CFAP65: variants seen among roughly 807,000 people sequenced by gnomAD.
CFAP65 encodes the protein cilia and flagella associated protein 65.
A neutral mutation model predicts 208.0 loss-of-function variants in CFAP65; 155 were observed. The observed-to-expected ratio is 0.75, with a 90% confidence interval of 0.65 to 0.85. CFAP65 has a LOEUF of 0.85. CFAP65 is among the 40% of genes least tolerant of loss of function. The pLI is 0.00. For synonymous variants in CFAP65, 970 were observed against 986.3 expected (o/e 0.98, Z 0.31); for missense variants, 2,294 against 2,451.3 (o/e 0.94, Z 1.36).
rs748453194 is a variant in CFAP65 at position 219,028,390 on chromosome 2, G to A, written c.1662C>T (p.Phe554=). Residue 554 remains phenylalanine (F), a synonymous_variant, in exon 12 of 35, where the codon TTC becomes TTT. Coordinates refer to ENST00000341552, the MANE Select transcript of CFAP65 (RefSeq NM_194302.4). Reference sequence around the variant, plus strand: ...AGTGGCAGGTCCCCATCAGGTCCAGGAACAGTGGGTCCTGTGACATTTGTC... The same window carrying A: ...AGTGGCAGGTCCCCATCAGGTCCAGAAACAGTGGGTCCTGTGACATTTGTC... ...ACLIHHQDPL[F]LDLMGTCHSD... 13 of 1,605,772 alleles carry A rather than the reference G, an allele frequency of 8.1e-6. No homozygotes were observed. In the East Asian group the frequency reaches 2.9e-4, roughly 36 times the overall value.
At chr2:219,010,421 C>A in intron 26 of CFAP65, 125 bp downstream of exon 26, 1 of 1,037,976 alleles carries the variant, frequency 9.6e-7, no homozygotes, top group Non-Finnish European at 1.4e-6. Flanking sequence ...GGTCTCATCT[C>A]TGCCTCTGTC....
Position 219,009,456 on chromosome 2 carries a change from G to C in CFAP65, c.4457C>G (p.Ser1486Cys). The change falls in exon 28 of 35, where the codon TCT becomes TGT. Residue 1486 changes from serine to cysteine, a missense_variant. Ser to Cys is a moderately radical substitution (Grantham distance 112). Transcript: ENST00000341552. Reference sequence around the variant, plus strand: ...CACCACCCCTATCATGGGACTCACAGACACCTGTTGATTTGGGGAAGGAGT... The same window carrying C: ...CACCACCCCTATCATGGGACTCACACACACCTGTTGATTTGGGGAAGGAGT... Reference protein sequence around the residue: ...QPSPLDFGEVSVSPMIGVVAP... With the variant: ...QPSPLDFGEVCVSPMIGVVAP... 1 of 1,608,172 alleles carries C rather than the reference G, an allele frequency of 6.2e-7. No homozygotes were observed. The highest frequency in any genetic ancestry group is 8.5e-7 in the Non-Finnish European group (1 of 1,175,876).
chr2:219,010,874 C>T lies in CFAP65; in HGVS notation c.4080G>A (p.Gly1360=), dbSNP rs752094023. 2 of 1,613,746 alleles carry T rather than the reference C, an allele frequency of 1.2e-6. No homozygotes were observed. The highest frequency in any genetic ancestry group is 1.1e-5 in the South Asian group (1 of 91,074). ...HPIFCCLNPK[G]EIQPGSTARV... ...GGGCAGTGCTGCCTGGCTGGATCTC[C>T]CCTTTGGGGTTGAGGCAGCAAAAGA... The change falls in exon 25 of 35, where the codon GGG becomes GGA. Residue 1360 remains glycine, a synonymous_variant. Coordinates refer to ENST00000341552, the MANE Select transcript of CFAP65 (RefSeq NM_194302.4).
At chr2:219,016,783 C>T (rs970886885) in intron 21 of CFAP65, among the ~76,000 whole-genome samples, 1 of 152,196 alleles carries the variant, frequency 6.6e-6, no homozygotes, top group Non-Finnish European at 1.5e-5. Context: ...CCTGTCTTTG[C>T]TCCTAACTCC....
At position 219,003,098 on chromosome 2, in the gene CFAP65, G is replaced by T; in HGVS notation, c.5693+37C>A. 1.3e-6 allele frequency: 2 copies of T among 1,543,836 alleles called. No individual in the cohort carries two copies. Among genetic ancestry groups the T allele is most frequent in the Non-Finnish European group, 1.8e-6 (2 of 1,142,122 alleles). On this transcript the variant is annotated intron_variant, in intron 34 of 34. Transcript: ENST00000341552. This position sits in a 1 kb window ranked among gnomAD's most constrained non-coding sequence, Gnocchi z 4.4. ...CCTGGCTGCCCCCGTGGCCCCTCTC[G>T]CGCGGTCTGCGCGGCCGCTGGTCCC...
rs1027264083 is a variant in CFAP65 at position 219,036,878 on chromosome 2, T to A, written c.358-1214A>T. Among the ~76,000 whole-genome samples, 3 of 152,238 alleles carry A rather than the reference T, an allele frequency of 2.0e-5. 1 individual carries two copies. In the South Asian group the frequency reaches 6.2e-4, roughly 31 times the overall value. ...ACTGTGCTAGGTGCTGGGACTACAA[T>A]GGTGAACAGGACTGACAAATCCCTT... On this transcript the variant is annotated intron_variant, in intron 4 of 34. Coordinates refer to ENST00000341552, the MANE Select transcript of CFAP65 (RefSeq NM_194302.4).
intron 14 of CFAP65, among the ~76,000 whole-genome samples, chr2:219,025,060 C>A (rs928239974): frequency 4.6e-5 from 7 of 152,222 alleles, no homozygotes; most frequent in Admixed American, 3.9e-4. Flanking sequence ...GTGGCCAGCA[C>A]CAGCTGAGAG....
intron 19 of CFAP65, 89 bp from the exon 20 acceptor site, chr2:219,019,808 G>GGC: frequency 9.0e-7 from 1 of 1,106,600 alleles, no homozygotes; most frequent in Non-Finnish European, 1.3e-6. Flanking sequence ...GGAGTCCTGG[G>GGC]CAGTTGGCCC....
intron 14 of CFAP65, among the ~76,000 whole-genome samples, chr2:219,025,459 G>A (rs1345602083): frequency 6.6e-6 from 1 of 152,164 alleles, no homozygotes; most frequent in Non-Finnish European, 1.5e-5. Flanking sequence ...AGACATCAAA[G>A]GTGAAACTGG....
rs371186946 is a variant in CFAP65, at chr2:219,009,166, G to A, written c.4567-12C>T. ...TGCTGCGAGTACAGCTATGGCCCAG[G>A]ACAGAGAGAGAGAAGGCCAAGGTCT... On this transcript the variant is annotated splice_polypyrimidine_tract_variant and intron_variant, in intron 28 of 34. Coordinates refer to ENST00000341552, the MANE Select transcript of CFAP65 (RefSeq NM_194302.4). 13 of 1,609,406 alleles carry A rather than the reference G, an allele frequency of 8.1e-6. No individual in the cohort carries two copies. The African/African-American group carries it at 1.6e-4, about 20-fold the overall frequency.
At chr2:219,007,045 C>T (rs757125641) in intron 29 of CFAP65, among the ~76,000 whole-genome samples, 6 of 152,100 alleles carry the variant, frequency 3.9e-5, no homozygotes, top group Non-Finnish European at 5.9e-5. Context: ...AGCTTGCCCT[C>T]GTGCCCTGGA....
At chr2:219,016,880 C>T (rs73993400) in intron 21 of CFAP65, among the ~76,000 whole-genome samples, 17,976 of 152,152 alleles carry the variant, frequency 0.12, 3,225 homozygotes, top group African/African-American at 0.39. Context: ...GGCCCCTGCC[C>T]GCCTCCTCAG....
upstream of CFAP65, chr2:219,041,551 C>T (rs1297159593): frequency 3.2e-6 from 5 of 1,550,168 alleles, no homozygotes; most frequent in Admixed American, 9.8e-5. Flanking sequence ...TTCAGATATC[C>T]CAGGGCAACG....
chr2:219,028,420 T>C lies in CFAP65; in HGVS notation c.1651-19A>G. 6.3e-7 allele frequency: 1 copy of C among 1,596,400 alleles called. No individual in the cohort carries two copies. Among genetic ancestry groups the C allele is most frequent in the Non-Finnish European group, 8.5e-7 (1 of 1,172,426 alleles). ...GTGGGTCCTGTGACATTTGTCTGTG[T>C]GTGGTGGGGCATGGGAGGGGTGGTA... On this transcript the variant is annotated intron_variant, in intron 11 of 34. Transcript: ENST00000341552.
chr2:219,004,348 T>TC lies in CFAP65; in HGVS notation c.5158dup (p.Asp1720GlyfsTer50). Reference sequence around the variant, plus strand: ...CATTAAGTACAGGCTGTTTTTCTGGTCCATGAACTTAGTTGACTGCTCATT... The same window carrying TC: ...CATTAAGTACAGGCTGTTTTTCTGGTCCCATGAACTTAGTTGACTGCTCATT... On this transcript the variant is annotated frameshift_variant, in exon 33 of 35. Coordinates refer to ENST00000341552, the MANE Select transcript of CFAP65 (RefSeq NM_194302.4). LOFTEE classifies it high-confidence loss of function. This position sits in a 1 kb window ranked among gnomAD's most constrained non-coding sequence, Gnocchi z 4.7. The TC allele has an allele frequency of 6.2e-7, 1 of 1,614,094 alleles. No individual in the cohort carries two copies. Among genetic ancestry groups the TC allele is most frequent in the South Asian group, 1.1e-5 (1 of 91,080 alleles).
chr2:219,034,021 A>C (rs1948209585), intron 5 of CFAP65: 1 of 152,228 alleles, frequency 6.6e-6, no homozygotes, highest in African/African-American at 2.4e-5. Flanking sequence ...AACAGCAAAA[A>C]TATAAAATAC....
intron 14 of CFAP65, 78 bp from the exon 15 acceptor site, chr2:219,024,338 C>T: frequency 6.6e-7 from 1 of 1,518,672 alleles, no homozygotes; most frequent in African/African-American, 1.4e-5. Context: ...CCTATGGGGG[C>T]TTGGGAGGAG....
intron 5 of CFAP65, chr2:219,033,869 A>G (rs1948199230): frequency 6.6e-6 from 1 of 152,220 alleles, no homozygotes; most frequent in African/African-American, 2.4e-5. Flanking sequence ...TGTGTGCATG[A>G]AAAAACAAGA....
Position 219,013,956 on chromosome 2 carries a change from G to A in CFAP65, c.3691C>T (p.Arg1231Cys), listed in dbSNP as rs372555974. 1.3e-5 allele frequency: 21 copies of A among 1,613,224 alleles called. No individual in the cohort carries two copies. The highest frequency in any genetic ancestry group is 6.7e-5 in the East Asian group (3 of 44,890). ...GAGAAGAGGCAATTGTCCTGCACGCGCATCTGGTGGAGCTCAGTGGAATTC... is the reference window on the plus strand; with the variant it reads ...GAGAAGAGGCAATTGTCCTGCACGCACATCTGGTGGAGCTCAGTGGAATTC... ...ELNSTELHQMRVQDNCLFSIS... is the reference protein window; with the variant it reads ...ELNSTELHQMCVQDNCLFSIS... The change falls in exon 22 of 35, where the codon CGC becomes TGC. Residue 1231 changes from arginine (R) to cysteine (C), a missense_variant. Physicochemically the swap from Arg to Cys is radical, Grantham distance 180. Transcript: ENST00000341552.
Sources: gnomAD v4.1 joint callset for allele counts (sites outside exome capture counted in the v4.1 genomes callset) on GRCh38, gnomAD v4.1.1 for gene constraint, Gnocchi (gnomAD v3.1) non-coding constraint, MANE v1.5 for transcripts, NCBI Gene and HGNC (gene_info 2026-07-23, HGNC 2026-07-21) for gene names.